NHSL1: variants seen among roughly 807,000 people sequenced by gnomAD.
The protein encoded by NHSL1 is NHS-like protein 1.
In NHSL1, 48 loss-of-function variants were observed where a neutral mutation model predicts 95.0. The observed-to-expected ratio is 0.51, with a 90% CI of 0.40 to 0.64. The LOEUF (loss-of-function observed/expected upper bound fraction) is 0.64, where lower values mean the gene tolerates loss of function less well. Ranked by LOEUF, NHSL1 falls within the 30% of genes least tolerant of loss-of-function variation. NHSL1 has a pLI of 0.00. For missense variants in NHSL1, 1,971 were observed against 2,077.7 expected (o/e 0.95, Z 1.00); for synonymous variants, 783 against 833.9 (o/e 0.94, Z 1.05).
chr6:138,592,796 G>A (rs1021118933), intron 1 of NHSL1, among the ~76,000 whole-genome samples: 1 of 152,112 alleles, frequency 6.6e-6, no homozygotes, highest in Admixed American at 6.5e-5. Flanking sequence ...GCTAGGAGCT[G>A]CTATTTCAGC....
At chr6:138,678,277 A>G in intron 1 of NHSL1, among the ~76,000 whole-genome samples, 1 of 152,222 alleles carries the variant, frequency 6.6e-6, no homozygotes, top group East Asian at 1.9e-4. Flanking sequence ...ACTGATCATG[A>G]ATGTCTGGCA....
chr6:138,496,297 A>G lies in NHSL1; in HGVS notation c.133T>C (p.Phe45Leu), dbSNP rs766476201. 1 of 1,550,890 alleles carries G rather than the reference A, an allele frequency of 6.4e-7. No individual in the cohort carries two copies. Among genetic ancestry groups the G allele is most frequent in the South Asian group, 1.2e-5 (1 of 84,014 alleles). Reference sequence around the variant, plus strand: ...CAGGGGGGTCTTGTGGTGGGAAGGAACACATTCTCCTGCTGGTGCCACGGG... The same window carrying G: ...CAGGGGGGTCTTGTGGTGGGAAGGAGCACATTCTCCTGCTGGTGCCACGGG... ...TAPWHQQENVFLPTTRPPCVE... is the reference protein window; with the variant it reads ...TAPWHQQENVLLPTTRPPCVE... The change falls in exon 2 of 8, where the codon TTC becomes CTC. Residue 45 changes from phenylalanine (F) to leucine (L), a missense_variant. This residue lies in a region of NHSL1 where 1,602 missense variants were observed against 1,654.5 expected (regional missense o/e 0.97). Coordinates refer to ENST00000343505, the MANE Select transcript of NHSL1 (RefSeq NM_001144060.2).
chr6:138,608,878 A>G (rs1196348950), intron 1 of NHSL1, among the ~76,000 whole-genome samples: 2 of 152,192 alleles, frequency 1.3e-5, no homozygotes, highest in Non-Finnish European at 2.9e-5. Context: ...CAGGAAAGAC[A>G]TTTACACGAC....
chr6:138,481,595 T>C (rs1779420635), intron 2 of NHSL1, among the ~76,000 whole-genome samples: 1 of 152,196 alleles, frequency 6.6e-6, no homozygotes, highest in Non-Finnish European at 1.5e-5. Flanking sequence ...AAAGACACTG[T>C]GTATTTAATA....
intron 2 of NHSL1, among the ~76,000 whole-genome samples, chr6:138,478,773 A>T (rs1779243094): frequency 6.6e-6 from 1 of 152,180 alleles, no homozygotes; most frequent in Non-Finnish European, 1.5e-5. Flanking sequence ...TTGTTCTCAC[A>T]CTACTGCTTG....
intron 7 of NHSL1, among the ~76,000 whole-genome samples, chr6:138,427,715 T>G (rs1289192742): frequency 6.6e-6 from 1 of 152,234 alleles, no homozygotes; most frequent in Admixed American, 6.5e-5. Flanking sequence ...GCTTTAAATC[T>G]GAAGCGAATT....
At chr6:138,426,190 T>C (rs1264441341) in intron 7 of NHSL1, among the ~76,000 whole-genome samples, 1 of 152,178 alleles carries the variant, frequency 6.6e-6, no homozygotes, top group African/African-American at 2.4e-5. Context: ...CGTGGGTATA[T>C]CTCTTTTCCT....
At chr6:138,482,187 G>T (rs1026955450) in intron 2 of NHSL1, among the ~76,000 whole-genome samples, 9 of 152,168 alleles carry the variant, frequency 5.9e-5, no homozygotes, top group Non-Finnish European at 2.9e-5. Flanking sequence ...GGTGGCTCAC[G>T]CCTGTAATCC....
intron 3 of NHSL1, among the ~76,000 whole-genome samples, chr6:138,462,149 C>T (rs1231695221): frequency 1.3e-5 from 2 of 152,156 alleles, no homozygotes; most frequent in Non-Finnish European, 2.9e-5. Context: ...TTTTCTGTTG[C>T]TATAAAAGAA....
chr6:138,685,368 T>C (rs73570706), intron 1 of NHSL1, among the ~76,000 whole-genome samples: 27 of 152,296 alleles, frequency 1.8e-4, no homozygotes, highest in African/African-American at 6.3e-4. Context: ...ATTTGGCAAA[T>C]GCATTTAAAC....
At chr6:138,496,004 G>C (rs1780329275) in intron 2 of NHSL1, among the ~76,000 whole-genome samples, 1 of 152,152 alleles carries the variant, frequency 6.6e-6, no homozygotes, top group Admixed American at 6.5e-5. Flanking sequence ...CTACAACACA[G>C]GGGAATTATG....
chr6:138,688,465 G>A, intron 1 of NHSL1, among the ~76,000 whole-genome samples: 1 of 151,814 alleles, frequency 6.6e-6, no homozygotes, highest in East Asian at 2.0e-4. Context: ...TCAAGATGGT[G>A]AAACCCCATC....
intron 1 of NHSL1, among the ~76,000 whole-genome samples, chr6:138,521,853 TA>T (rs979868608): frequency 6.6e-6 from 1 of 152,022 alleles, no homozygotes; most frequent in Non-Finnish European, 1.5e-5. Context: ...AATTAGCCTA[TA>T]AAAAGATACT....
At chr6:138,638,063 A>G (rs1784911840) in intron 1 of NHSL1, among the ~76,000 whole-genome samples, 1 of 152,200 alleles carries the variant, frequency 6.6e-6, no homozygotes, top group Non-Finnish European at 1.5e-5. Flanking sequence ...TTACAACAAC[A>G]TGGATGGAAC....
At chr6:138,507,148 G>C (rs939201332) in intron 1 of NHSL1, among the ~76,000 whole-genome samples, 1 of 152,154 alleles carries the variant, frequency 6.6e-6, no homozygotes, top group East Asian at 1.9e-4. Flanking sequence ...TGGAAGAACC[G>C]GCCAGGCATC....
intron 1 of NHSL1, among the ~76,000 whole-genome samples, chr6:138,523,652 A>AC (rs1583352562): frequency 1.3e-5 from 2 of 150,090 alleles, no homozygotes; most frequent in Admixed American, 6.7e-5. Context: ...AAAAAAAAAA[A>AC]CAGAGCTAAA....
intron 1 of NHSL1, among the ~76,000 whole-genome samples, chr6:138,522,380 G>A (rs908722971): frequency 6.6e-6 from 1 of 152,200 alleles, no homozygotes; most frequent in South Asian, 2.1e-4. Flanking sequence ...GGTGGCTCAC[G>A]CCTGTAATCC....
chr6:138,442,079 A>C lies in NHSL1; in HGVS notation c.568T>G (p.Ser190Ala). Residue 190 changes from serine (S) to alanine (A), a missense_variant, in exon 5 of 8, where the codon TCT becomes GCT. By Grantham distance (99) the Ser-to-Ala change is moderately conservative (BLOSUM62 1). Coordinates refer to ENST00000343505, the MANE Select transcript of NHSL1 (RefSeq NM_001144060.2). ...ACCAGAGTGTCTGTGTAAATTAGAG[A>C]CCGCCGAAGGCTGGCCTGGCGATCG... ...NFDRQASLRR[S>A]LIYTDTLVRR... 6.4e-7 allele frequency: 1 copy of C among 1,550,976 alleles called. No homozygotes were observed. The highest frequency in any genetic ancestry group is 8.7e-7 in the Non-Finnish European group (1 of 1,146,742).
intron 1 of NHSL1, among the ~76,000 whole-genome samples, chr6:138,510,919 G>A (rs915271698): frequency 1.3e-5 from 2 of 152,176 alleles, no homozygotes; most frequent in African/African-American, 4.8e-5. Flanking sequence ...CTGACTTGAT[G>A]CCACAGAAGT....
Sources: allele counts gnomAD v4.1 joint callset (sites outside exome capture counted in the v4.1 genomes callset), GRCh38; gene constraint gnomAD v4.1.1; regional missense constraint gnomAD v4.1.1; transcripts MANE v1.5; gene names NCBI Gene and HGNC (gene_info 2026-07-23, HGNC 2026-07-21).